MAP3K15: variants seen among roughly 807,000 people sequenced by gnomAD.
The protein encoded by MAP3K15 is mitogen-activated protein kinase kinase kinase 15, also known as MAPK/ERK kinase kinase 15.
MAP3K15 carries 124 observed loss-of-function variants against 99.5 expected under a neutral mutation model. The ratio of observed to expected loss-of-function variants is 1.25; its 90% CI spans 1.08 to 1.45. The LOEUF is 1.45. Among genes scored for constraint, MAP3K15 ranks in the 40% most tolerant of loss-of-function variants. MAP3K15 has a pLI of 0.00. For synonymous variants in MAP3K15, 494 were observed against 439.6 expected (o/e 1.12, Z -1.55); for missense variants, 1,242 against 1,079.7 (o/e 1.15, Z -2.11).
intron 1 of MAP3K15, among the ~76,000 whole-genome samples, chrX:19,498,592 C>T (rs757864621): frequency 1.4e-3 from 162 of 111,885 alleles, no homozygotes; most frequent in African/African-American, 4.2e-3. Context: ...GTTTTTGCTC[C>T]GGAAGGCAGA....
chrX:19,487,586 T>C (rs138449622), intron 2 of MAP3K15, among the ~76,000 whole-genome samples: 1,719 of 111,764 alleles, frequency 0.015, 41 homozygotes, highest in African/African-American at 0.05. Context: ...CTAATAAAAG[T>C]TTCTTCTTTC....
At chrX:19,472,068 C>G (rs2064211414) in intron 3 of MAP3K15, among the ~76,000 whole-genome samples, 1 of 109,990 alleles carries the variant, frequency 9.1e-6, no homozygotes, top group South Asian at 3.9e-4. Flanking sequence ...TAAAAAAATA[C>G]AAAACATTAG....
At chrX:19,447,121 T>C (rs1247538977) in intron 6 of MAP3K15, among the ~76,000 whole-genome samples, 2 of 110,959 alleles carry the variant, frequency 1.8e-5, no homozygotes, top group Non-Finnish European at 3.8e-5. Flanking sequence ...TCTTGCTATG[T>C]TGCTCAGGCT....
intron 1 of MAP3K15, among the ~76,000 whole-genome samples, chrX:19,492,698 G>A (rs1306597507): frequency 8.9e-6 from 1 of 111,936 alleles, no homozygotes; most frequent in Non-Finnish European, 1.9e-5. Context: ...CGGGCGCGGT[G>A]GCTCACGCCT....
At chrX:19,480,975 C>T (rs1168603271) in intron 3 of MAP3K15, among the ~76,000 whole-genome samples, 2 of 108,221 alleles carry the variant, frequency 1.8e-5, no homozygotes, top group African/African-American at 3.4e-5. Flanking sequence ...ATTAGCTGGG[C>T]GTGGTGGTGC....
At chrX:19,368,615 C>T (rs2063351867) in intron 25 of MAP3K15, among the ~76,000 whole-genome samples, 1 of 111,884 alleles carries the variant, frequency 8.9e-6, no homozygotes, top group Non-Finnish European at 1.9e-5. Flanking sequence ...CAAACTTCCT[C>T]GGGGTCGGGA....
chrX:19,510,589 A>C (rs1301052919), intron 1 of MAP3K15, among the ~76,000 whole-genome samples: 1 of 112,492 alleles, frequency 8.9e-6, no homozygotes, highest in Non-Finnish European at 1.9e-5. Context: ...CCAATATCAT[A>C]CTGAATGGGC....
At chrX:19,488,169 TG>T (rs1453251933) in intron 2 of MAP3K15, among the ~76,000 whole-genome samples, 1 of 112,245 alleles carries the variant, frequency 8.9e-6, no homozygotes, top group African/African-American at 3.2e-5. Flanking sequence ...CACTGAATTT[TG>T]GAATAACTCA....
intron 18 of MAP3K15, among the ~76,000 whole-genome samples, chrX:19,382,504 T>C (rs1334716589): frequency 8.9e-6 from 1 of 111,861 alleles, no homozygotes; most frequent in Non-Finnish European, 1.9e-5. Context: ...ACTGAAGAAA[T>C]GCATTTTTAA....
intron 24 of MAP3K15, among the ~76,000 whole-genome samples, chrX:19,369,619 T>A (rs777506726): frequency 9.1e-6 from 1 of 109,504 alleles, no homozygotes; most frequent in South Asian, 4.0e-4. Context: ...AAAAAATATA[T>A]ACAAAAATTA....
intron 22 of MAP3K15, 112 bp downstream of exon 22, chrX:19,372,541 C>G: frequency 1.5e-6 from 1 of 649,095 alleles, no homozygotes. Context: ...ATCACCGTAA[C>G]TATGCAGATG....
chrX:19,411,530 T>C (rs775535275), intron 11 of MAP3K15, among the ~76,000 whole-genome samples: 2 of 112,228 alleles, frequency 1.8e-5, no homozygotes, highest in African/African-American at 6.5e-5. Context: ...ATAGATTAAA[T>C]AGTAAAATCA....
intron 9 of MAP3K15, among the ~76,000 whole-genome samples, chrX:19,422,327 T>C (rs1182685766): frequency 6.3e-5 from 7 of 111,184 alleles, no homozygotes; most frequent in African/African-American, 2.0e-4. Context: ...CTCCAACAAA[T>C]TTACAAGAAA....
chrX:19,401,626 G>C (rs1304554050), intron 13 of MAP3K15, among the ~76,000 whole-genome samples: 2 of 111,647 alleles, frequency 1.8e-5, no homozygotes, highest in Non-Finnish European at 3.8e-5. Flanking sequence ...TGTTGTATAA[G>C]GGGAATGGTG....
At chrX:19,414,573 A>G (rs2063717501) in intron 10 of MAP3K15, among the ~76,000 whole-genome samples, 1 of 112,544 alleles carries the variant, frequency 8.9e-6, no homozygotes, top group African/African-American at 3.2e-5. Flanking sequence ...AGCTAAAAGC[A>G]ATTTTGCCTT....
chrX:19,374,569 T>C lies in MAP3K15; in HGVS notation c.2681A>G (p.His894Arg), dbSNP rs773851592. 30 of 1,209,572 alleles carry C rather than the reference T, an allele frequency of 2.5e-5. No individual in the cohort carries two copies. In the South Asian group the frequency reaches 4.9e-4, roughly 20 times the overall value. ...FILSCFEPDPHKRATTAELLR... is the reference protein window; with the variant it reads ...FILSCFEPDPRKRATTAELLR... The stretch of plus-strand genomic sequence containing the variant: ...TAGCTCAGCAGTGGTGGCACGTTTG[T>C]GGGGGTCAGGCTCGAAACAGGATAA... Residue 894 changes from histidine to arginine, a missense_variant, in exon 20 of 29, where the codon CAC (histidine) becomes CGC (arginine). Transcript: ENST00000338883.
chrX:19,372,455 C>T (rs1035560323), intron 22 of MAP3K15, among the ~76,000 whole-genome samples, 198 bp downstream of exon 22: 2 of 112,524 alleles, frequency 1.8e-5, no homozygotes, highest in Non-Finnish European at 3.8e-5. Flanking sequence ...ATTCATGTTT[C>T]GGCAGAGCTT....
At chrX:19,374,394 TCTCC>T (rs1029722122) in intron 20 of MAP3K15, 79 bp downstream of exon 20, 4 of 956,465 alleles carry the variant, frequency 4.2e-6, no homozygotes, top group Non-Finnish European at 5.8e-6. Flanking sequence ...TAGCCAGAAC[TCTCC>T]CTCCTGAGCA....
intron 3 of MAP3K15, among the ~76,000 whole-genome samples, chrX:19,467,754 G>A (rs1031296327): frequency 1.6e-4 from 2 of 12,856 alleles, no homozygotes; most frequent in Non-Finnish European, 1.0e-3. Flanking sequence ...GCTTAAACCC[G>A]GAAGGCAGAG....
Sources: gnomAD v4.1 joint callset for allele counts (sites outside exome capture counted in the v4.1 genomes callset) on GRCh38, gnomAD v4.1.1 for gene constraint, MANE v1.5 for transcripts, NCBI Gene and HGNC (gene_info 2026-07-23, HGNC 2026-07-21) for gene names.